Variants in ADAMTS14 observed in about 807,000 individuals in gnomAD.
ADAMTS14 encodes ADAM metallopeptidase with thrombospondin type 1 motif 14, also known as A disintegrin and metalloproteinase with thrombospondin motifs 14.
Under a neutral mutation model 128.6 loss-of-function variants are expected in ADAMTS14, and 100 were observed. That is an observed-to-expected ratio of 0.78 (90% CI 0.66 to 0.92). ADAMTS14 has a LOEUF of 0.92. ADAMTS14 is among the 40% of genes least tolerant of loss of function. The pLI is 0.00. For missense variants in ADAMTS14, 1,562 were observed against 1,658.6 expected (o/e 0.94, Z 1.01); for synonymous variants, 665 against 653.8 (o/e 1.02, Z -0.26).
intron 2 of ADAMTS14, among the ~76,000 whole-genome samples, chr10:70,693,323 G>T (rs1840243020): frequency 6.6e-6 from 1 of 152,148 alleles, no homozygotes; most frequent in Admixed American, 6.5e-5. Flanking sequence ...CCATAGCAGA[G>T]CCAGGGGCTA....
intron 2 of ADAMTS14, among the ~76,000 whole-genome samples, chr10:70,687,841 G>A (rs1166134194): frequency 1.7e-5 from 1 of 60,428 alleles, no homozygotes; most frequent in African/African-American, 6.4e-5. Context: ...CCTCCCGGAC[G>A]GGGCGGCTGG....
At position 70,753,798 on chromosome 10, in the gene ADAMTS14, A is replaced by G; in HGVS notation, c.2730-2A>G. ...CCTCCTCTCCTTTCACCCTGTTTCC[A>G]GGTGGGTGACGGAGGAGTGGGGTGC... is the stretch of plus-strand genomic sequence containing the variant. On this transcript the variant is annotated splice_acceptor_variant, in intron 18 of 21. Coordinates refer to ENST00000373207, the MANE Select transcript of ADAMTS14 (RefSeq NM_080722.4). LOFTEE classifies it high-confidence loss of function. The G allele has an allele frequency of 6.4e-7, 1 of 1,568,998 alleles. No individual in the cohort carries two copies. Among genetic ancestry groups the G allele is most frequent in the Non-Finnish European group, 8.7e-7 (1 of 1,155,906 alleles).
At chr10:70,676,467 A>G (rs901123103) in intron 2 of ADAMTS14, among the ~76,000 whole-genome samples, 2 of 152,204 alleles carry the variant, frequency 1.3e-5, no homozygotes, top group African/African-American at 4.8e-5. Context: ...GCTTATCTAC[A>G]TGGTAGTTGG....
intron 10 of ADAMTS14, among the ~76,000 whole-genome samples, 167 bp downstream of exon 10, chr10:70,736,960 C>T (rs1841847851): frequency 6.6e-6 from 1 of 152,094 alleles, no homozygotes; most frequent in Non-Finnish European, 1.5e-5. Context: ...GGTAAATACA[C>T]GTGGAGTCTT....
chr10:70,692,428 C>T (rs368318149), intron 2 of ADAMTS14, among the ~76,000 whole-genome samples: 24 of 152,360 alleles, frequency 1.6e-4, no homozygotes, highest in African/African-American at 5.5e-4. Flanking sequence ...AAGGACCCTG[C>T]TGGGATGGAA....
At position 70,691,853 on chromosome 10, in the gene ADAMTS14, A is replaced by G. The variant is rs75892700; in HGVS notation, c.523-10459A>G. On this transcript the variant is annotated intron_variant, in intron 2 of 21. Coordinates refer to ENST00000373207, the MANE Select transcript of ADAMTS14 (RefSeq NM_080722.4). ...CCCTCTCAGGGAACGTACTTATTGT[A>G]TGCTCGTTTCCTCTCTTACTTGCCC... Among the ~76,000 whole-genome samples, 1,251 of 151,906 alleles carry G rather than the reference A, an allele frequency of 8.2e-3. 14 individuals carry two copies. Among genetic ancestry groups the G allele is most frequent in the African/African-American group, 0.029 (1,199 of 41,182 alleles).
At chr10:70,696,236 G>C (rs1040247553) in intron 2 of ADAMTS14, among the ~76,000 whole-genome samples, 3 of 152,118 alleles carry the variant, frequency 2.0e-5, no homozygotes, top group Non-Finnish European at 4.4e-5. Context: ...GTAACAGAGA[G>C]GTGATCCTGA....
chr10:70,754,842 G>T (rs910870846), intron 19 of ADAMTS14, among the ~76,000 whole-genome samples: 1 of 152,224 alleles, frequency 6.6e-6, no homozygotes, highest in East Asian at 1.9e-4. Context: ...TAGCGAAGGG[G>T]AGATAGCAGT....
chr10:70,747,624 C>A (rs1043139400), intron 15 of ADAMTS14, among the ~76,000 whole-genome samples: 1 of 152,206 alleles, frequency 6.6e-6, no homozygotes, highest in Non-Finnish European at 1.5e-5. Context: ...CTTCGATCCC[C>A]AGGGAAGAAC....
At chr10:70,737,832 C>G (rs554988412) in intron 10 of ADAMTS14, among the ~76,000 whole-genome samples, 46 of 152,154 alleles carry the variant, frequency 3.0e-4, no homozygotes, top group African/African-American at 1.1e-3. Flanking sequence ...GTTTTAAAAC[C>G]CCTCCTATAG....
At chr10:70,745,182 C>T in intron 14 of ADAMTS14, 44 bp from the exon 15 acceptor site, 1 of 1,586,538 alleles carries the variant, frequency 6.3e-7, no homozygotes, top group Non-Finnish European at 8.6e-7. Flanking sequence ...AGTGGGACCA[C>T]CAGCTTAGGA....
At chr10:70,732,406 GC>G in intron 7 of ADAMTS14, 47 bp downstream of exon 7, 1 of 1,506,668 alleles carries the variant, frequency 6.6e-7, no homozygotes, top group Non-Finnish European at 9.2e-7. Flanking sequence ...TGTGCCGTGA[GC>G]TCCAGGGAAT....
intron 5 of ADAMTS14, 99 bp downstream of exon 5, chr10:70,729,476 G>A: frequency 9.8e-7 from 1 of 1,020,846 alleles, no homozygotes; most frequent in Non-Finnish European, 1.5e-6. Context: ...TAAGCATCCA[G>A]GAATCTGTTT....
At chr10:70,705,462 A>G (rs1016246320) in intron 3 of ADAMTS14, among the ~76,000 whole-genome samples, 1 of 152,218 alleles carries the variant, frequency 6.6e-6, no homozygotes, top group Admixed American at 6.5e-5. Flanking sequence ...AGCAATTGAG[A>G]TAAAATTCAC....
At chr10:70,681,071 G>A (rs1839787077) in intron 2 of ADAMTS14, among the ~76,000 whole-genome samples, 1 of 152,258 alleles carries the variant, frequency 6.6e-6, no homozygotes, top group Non-Finnish European at 1.5e-5. Flanking sequence ...TCCTGGGGAT[G>A]CAGGGATGAA....
chr10:70,758,387 C>G (rs1292534626), intron 21 of ADAMTS14, 102 bp downstream of exon 21: 2 of 1,015,484 alleles, frequency 2.0e-6, no homozygotes, highest in African/African-American at 3.2e-5. Context: ...TTGTAGCTGT[C>G]TGTGTGACCT....
chr10:70,739,737 C>T (rs1186064741), intron 11 of ADAMTS14, among the ~76,000 whole-genome samples: 2 of 152,198 alleles, frequency 1.3e-5, no homozygotes, highest in Non-Finnish European at 2.9e-5. Context: ...ACTGCGGAAT[C>T]GCAAAGTTGT....
chr10:70,738,173 T>C (rs1331801605), intron 10 of ADAMTS14, among the ~76,000 whole-genome samples: 1 of 152,128 alleles, frequency 6.6e-6, no homozygotes, highest in Non-Finnish European at 1.5e-5. Context: ...TGTGCATTTT[T>C]TTCATGCTAC....
chr10:70,712,735 G>C (rs1166209959), intron 4 of ADAMTS14, among the ~76,000 whole-genome samples: 1 of 152,178 alleles, frequency 6.6e-6, no homozygotes. Context: ...CCGATAAGGG[G>C]GAAAGACACG....
Sources: allele counts gnomAD v4.1 joint callset (sites outside exome capture counted in the v4.1 genomes callset), GRCh38; gene constraint gnomAD v4.1.1; transcripts MANE v1.5; gene names NCBI Gene and HGNC (gene_info 2026-07-23, HGNC 2026-07-21).